The following MTF2 variants were observed in gnomAD, a reference collection of about 807,000 sequenced individuals.
The protein encoded by MTF2 is metal response element binding transcription factor 2, also known as metal-response element-binding transcription factor 2.
A neutral mutation model predicts 79.5 loss-of-function variants in MTF2; 11 were observed. The ratio of observed to expected loss-of-function variants is 0.14; its 90% CI spans 0.09 to 0.23. MTF2 has a LOEUF of 0.23. Among genes scored for constraint, MTF2 ranks in the 10% least tolerant of loss-of-function variants. MTF2 has a pLI of 1.00. For synonymous variants in MTF2, 208 were observed against 232.8 expected (o/e 0.89, Z 0.97); for missense variants, 486 against 711.2 (o/e 0.68, Z 3.60).
chr1:93,119,919 G>A (rs1656403786), intron 8 of MTF2: 1 of 152,284 alleles, frequency 6.6e-6, no homozygotes, highest in Non-Finnish European at 1.5e-5. Flanking sequence ...ATATCCGGAA[G>A]TGAAAACACA....
intron 1 of MTF2, among the ~76,000 whole-genome samples, chr1:93,097,313 A>G (rs1357714146): frequency 6.6e-6 from 1 of 152,150 alleles, no homozygotes; most frequent in African/African-American, 2.4e-5. Context: ...GAGATAATTT[A>G]AACTTGTTAC....
chr1:93,116,539 T>A (rs929205332), intron 6 of MTF2, among the ~76,000 whole-genome samples: 15 of 149,458 alleles, frequency 1.0e-4, no homozygotes, highest in African/African-American at 3.7e-4. Flanking sequence ...GTTCTTGCTC[T>A]GTTGCCTCGG....
At chr1:93,107,973 A>C (rs1255430519) in intron 1 of MTF2, among the ~76,000 whole-genome samples, 1 of 151,828 alleles carries the variant, frequency 6.6e-6, no homozygotes, top group Non-Finnish European at 1.5e-5. Context: ...TTTTTTAGAG[A>C]CATTCTCCCT....
intron 1 of MTF2, among the ~76,000 whole-genome samples, chr1:93,108,727 T>C (rs1373988984): frequency 1.3e-5 from 2 of 151,992 alleles, no homozygotes; most frequent in Non-Finnish European, 2.9e-5. Flanking sequence ...ATAATGTTTT[T>C]CAGCAAATTT....
intron 1 of MTF2, 31 bp downstream of exon 1, chr1:93,079,562 TC>T: frequency 6.2e-7 from 1 of 1,611,392 alleles, no homozygotes; most frequent in Non-Finnish European, 8.5e-7. Context: ...AACCGACTCT[TC>T]CGGAGGAGAT....
At chr1:93,127,373 G>A in intron 10 of MTF2, 74 bp downstream of exon 10, 2 of 967,788 alleles carry the variant, frequency 2.1e-6, no homozygotes, top group Non-Finnish European at 3.3e-6. Flanking sequence ...CATTGTTTAA[G>A]AATTGTGGGA....
chr1:93,124,720 G>A (rs542222659), intron 9 of MTF2, among the ~76,000 whole-genome samples: 2 of 152,074 alleles, frequency 1.3e-5, no homozygotes, highest in South Asian at 4.1e-4. Flanking sequence ...AATTACCTAA[G>A]TTGTTGGGAT....
Position 93,108,921 on chromosome 1 carries a change from T to C in MTF2, c.6-1309T>C, listed in dbSNP as rs559417134. Among the ~76,000 whole-genome samples the C allele has an allele frequency of 6.6e-5, 10 of 152,306 alleles. No individual in the cohort carries two copies. The South Asian group carries it at 2.1e-3, about 32-fold the overall frequency. ...CTCATATAAGTGGAATAGTTGTCCA[T>C]TTTGTCTGGCTTATTTCACTTAGCA... On this transcript the variant is annotated intron_variant, in intron 1 of 14. Coordinates refer to ENST00000370298, the MANE Select transcript of MTF2 (RefSeq NM_007358.4).
At chr1:93,120,970 A>G in intron 9 of MTF2, 1 of 1,089,524 alleles carries the variant, frequency 9.2e-7, no homozygotes, top group Non-Finnish European at 1.1e-6. Flanking sequence ...AGAAATCTTT[A>G]GTATTGGGTA....
chr1:93,083,604 G>A (rs931370837), intron 1 of MTF2, among the ~76,000 whole-genome samples: 2 of 152,130 alleles, frequency 1.3e-5, no homozygotes, highest in Non-Finnish European at 2.9e-5. Context: ...TACTGGGTCA[G>A]ATGATAACTC....
chr1:93,121,677 C>A, intron 9 of MTF2: 2 of 960,386 alleles, frequency 2.1e-6, no homozygotes, highest in Non-Finnish European at 2.5e-6. Flanking sequence ...TTGAATTCAT[C>A]ATTTGAGTTT....
chr1:93,130,910 T>C (rs1196093182), intron 11 of MTF2, among the ~76,000 whole-genome samples: 1 of 151,996 alleles, frequency 6.6e-6, no homozygotes, highest in African/African-American at 2.4e-5. Flanking sequence ...TTCTTCTGTT[T>C]CATATTCATT....
Position 93,134,230 on chromosome 1 carries a change from T to C in MTF2, c.1424+35T>C, listed in dbSNP as rs758926148. ...TTACATTCTTATTTTTTTTACTTTT[T>C]TTACTCTAGATTTCTTTTCTTTGTA... On this transcript the variant is annotated intron_variant, in intron 14 of 14. Transcript: ENST00000370298. 6 of 1,440,032 alleles carry C rather than the reference T, an allele frequency of 4.2e-6. No homozygotes were observed. The African/African-American group carries it at 4.3e-5, about 10-fold the overall frequency. 89.2% of individuals were successfully genotyped at this position (1,440,032 alleles called of 1,614,324 possible).
chr1:93,096,522 C>CT (rs958561549), intron 1 of MTF2, among the ~76,000 whole-genome samples: 17 of 148,046 alleles, frequency 1.1e-4, no homozygotes, highest in South Asian at 6.4e-4. Context: ...CTGTCATATG[C>CT]TTTTTTTTTT....
intron 1 of MTF2, among the ~76,000 whole-genome samples, chr1:93,087,618 G>C (rs975265524): frequency 2.6e-5 from 4 of 151,860 alleles, no homozygotes; most frequent in African/African-American, 9.7e-5. Flanking sequence ...TGGACAAGAG[G>C]CTGGATACTG....
intron 10 of MTF2, among the ~76,000 whole-genome samples, chr1:93,128,226 T>A (rs1656777533): frequency 6.6e-6 from 1 of 152,118 alleles, no homozygotes; most frequent in Non-Finnish European, 1.5e-5. Flanking sequence ...CCTGTTATGG[T>A]AGTAATGAGG....
chr1:93,100,884 C>T (rs1441973591), intron 1 of MTF2, among the ~76,000 whole-genome samples: 1 of 152,198 alleles, frequency 6.6e-6, no homozygotes, highest in Non-Finnish European at 1.5e-5. Context: ...TGTTTGGCCT[C>T]ATGAATTTGA....
chr1:93,081,395 A>G (rs987089197), intron 1 of MTF2, among the ~76,000 whole-genome samples: 7 of 152,174 alleles, frequency 4.6e-5, no homozygotes, highest in Admixed American at 4.6e-4. Flanking sequence ...ACTTGAGGAA[A>G]CTGACAGTAT....
intron 14 of MTF2, among the ~76,000 whole-genome samples, chr1:93,135,333 A>G (rs1647348047): frequency 6.6e-6 from 1 of 152,242 alleles, no homozygotes; most frequent in African/African-American, 2.4e-5. Flanking sequence ...ATTTGGGGTC[A>G]GAGCTACTAT....
Sources: allele counts gnomAD v4.1 joint callset (sites outside exome capture counted in the v4.1 genomes callset), GRCh38; gene constraint gnomAD v4.1.1; transcripts MANE v1.5; gene names NCBI Gene and HGNC (gene_info 2026-07-23, HGNC 2026-07-21).